Variants in CACNA2D3 observed in about 807,000 individuals in gnomAD.
CACNA2D3 encodes voltage-dependent calcium channel subunit alpha-2/delta-3.
CACNA2D3 carries 60 observed loss-of-function variants against 160.6 expected under a neutral mutation model. That is an observed-to-expected ratio of 0.37 (90% confidence interval 0.30 to 0.46). The LOEUF (loss-of-function observed/expected upper bound fraction) is 0.46, where lower values mean the gene tolerates loss of function less well. Ranked by LOEUF, CACNA2D3 falls within the 20% of genes least tolerant of loss-of-function variation. The probability of loss-of-function intolerance (pLI) is 1.00; values close to 1 mark genes in which losing one functional copy is unlikely to be tolerated. For missense variants in CACNA2D3, 1,205 were observed against 1,365.0 expected, an observed-to-expected ratio of 0.88 and a Z score of 1.85; for synonymous variants, 558 against 492.9, an observed-to-expected ratio of 1.13 and a Z score of -1.75.
intron 11 of CACNA2D3, among the ~76,000 whole-genome samples, chr3:54,687,141 T>TTTTG (rs1559549454): frequency 1.1e-4 from 8 of 72,318 alleles, no homozygotes; most frequent in East Asian, 4.5e-4. Flanking sequence ...TTTTGTTTTT[T>TTTTG]TTTTTTTTTG....
In CACNA2D3 at chr3:54,123,598, A is replaced by G. The variant is rs1022594645; in HGVS notation, c.204+4A>G. ...CGGTTCCCAGCTTCTGCAAAAGGTA[A>G]GGTTTCTGTGGTGGCAGGAAGCGAT... On this transcript the variant is annotated splice_donor_region_variant and intron_variant, in intron 2 of 37. Coordinates refer to ENST00000474759, the MANE Select transcript of CACNA2D3 (RefSeq NM_018398.3). The G allele has an allele frequency of 1.9e-6, 3 of 1,612,178 alleles. No individual in the cohort carries two copies. The African/African-American group carries it at 4.0e-5, about 22-fold the overall frequency.
At chr3:54,563,670 A>G (rs193278891) in intron 6 of CACNA2D3, among the ~76,000 whole-genome samples, 33 of 152,334 alleles carry the variant, frequency 2.2e-4, no homozygotes, top group African/African-American at 5.8e-4. Flanking sequence ...AACTGTGCCA[A>G]CATCACAGCT....
Position 54,146,670 on chromosome 3 carries a change from A to G in CACNA2D3, c.204+23076A>G, listed in dbSNP as rs1700035277. ...TCCACACATCCAGCAGGGCCCATGG[A>G]AGCTACAAGGGAGTGTGGTCTTTCT... On this transcript the variant is annotated intron_variant, in intron 2 of 37. Coordinates refer to ENST00000474759, the MANE Select transcript of CACNA2D3 (RefSeq NM_018398.3). 2.6e-5 allele frequency among the ~76,000 whole-genome samples: 4 copies of G among 152,202 alleles called. No homozygotes were observed. The South Asian group carries it at 8.3e-4, about 32-fold the overall frequency.
chr3:54,199,038 G>A (rs921279028), intron 2 of CACNA2D3, among the ~76,000 whole-genome samples: 3 of 151,782 alleles, frequency 2.0e-5, no homozygotes, highest in Admixed American at 1.3e-4. Flanking sequence ...CTTATTTCTG[G>A]CCTTCACTTC....
At position 54,896,742 on chromosome 3, in the gene CACNA2D3, C is replaced by T. The variant is rs369798492; in HGVS notation, c.2247-7C>T. On this transcript the variant is annotated splice_region_variant and splice_polypyrimidine_tract_variant and intron_variant, in intron 25 of 37. Coordinates refer to ENST00000474759, the MANE Select transcript of CACNA2D3 (RefSeq NM_018398.3). Reference sequence around the variant, plus strand: ...TGCATGTTCTTCTGATTCTTTTCCACTTCAAGGGACTTCCTGAAAGCTGGC... The same window carrying T: ...TGCATGTTCTTCTGATTCTTTTCCATTTCAAGGGACTTCCTGAAAGCTGGC... The T allele has an allele frequency of 1.2e-6, 2 of 1,613,858 alleles. No individual in the cohort carries two copies. Among genetic ancestry groups the T allele is most frequent in the African/African-American group, 2.7e-5 (2 of 74,932 alleles).
rs148101214 is a variant in CACNA2D3, at chr3:54,169,886, G to T, written c.204+46292G>T. On this transcript the variant is annotated intron_variant, in intron 2 of 37. Coordinates refer to ENST00000474759, the MANE Select transcript of CACNA2D3 (RefSeq NM_018398.3). ...ATCTGAATGATAATGATTTTTCCAG[G>T]TCAAGAGTGAGGGAGAAATGGCCGA... Among the ~76,000 whole-genome samples the T allele has an allele frequency of 3.7e-3, 565 of 152,190 alleles. 8 individuals are homozygous for T. The highest frequency in any genetic ancestry group is 2.8e-3 in the Non-Finnish European group (191 of 68,006).
At chr3:54,166,097 G>C (rs1296646998) in intron 2 of CACNA2D3, among the ~76,000 whole-genome samples, 1 of 152,312 alleles carries the variant, frequency 6.6e-6, no homozygotes, top group African/African-American at 2.4e-5. Flanking sequence ...CACGAGGTGG[G>C]TGGAGGCTTT....
chr3:54,513,894 A>G (rs1367684576), intron 5 of CACNA2D3, among the ~76,000 whole-genome samples: 1 of 152,092 alleles, frequency 6.6e-6, no homozygotes, highest in African/African-American at 2.4e-5. Context: ...GCTGGCCTCG[A>G]ACTCCTGACC....
chr3:54,381,630 G>A (rs922864324), intron 3 of CACNA2D3, among the ~76,000 whole-genome samples: 13 of 152,178 alleles, frequency 8.5e-5, no homozygotes, highest in African/African-American at 2.4e-4. Context: ...TAAGTGTCGC[G>A]GGGAGGAAAC....
chr3:54,763,820 TATAC>T lies in CACNA2D3; in HGVS notation c.1247-397_1247-394del, dbSNP rs1251934020. On this transcript the variant is annotated intron_variant, in intron 12 of 37. Transcript: ENST00000474759. ...ATATGTACATATATATACATATATA[TATAC>T]GTATATATATGTATATATATGTACA... 1.9e-3 allele frequency among the ~76,000 whole-genome samples: 199 copies of T among 103,490 alleles called. 54 individuals are homozygous for T. The highest frequency in any genetic ancestry group is 3.7e-3 in the Non-Finnish European group (186 of 49,912). The allele number at this position is 103,490 out of a possible 152,430, so 67.9% of individuals were successfully genotyped here. A position where few individuals can be genotyped will look rare whatever the true frequency, so the allele number is the denominator to read the frequency against.
intron 13 of CACNA2D3, among the ~76,000 whole-genome samples, chr3:54,807,751 C>T (rs1260341342): frequency 6.6e-6 from 1 of 151,988 alleles, no homozygotes; most frequent in Non-Finnish European, 1.5e-5. Flanking sequence ...AAGACACATG[C>T]ACACATATGT....
chr3:54,584,877 TACTG>T (rs1702733875), intron 9 of CACNA2D3, among the ~76,000 whole-genome samples: 1 of 152,168 alleles, frequency 6.6e-6, no homozygotes, highest in Non-Finnish European at 1.5e-5. Context: ...ATTTTTCAAA[TACTG>T]AAAGAAAAGA....
chr3:54,700,392 C>G (rs1271664956), intron 11 of CACNA2D3, among the ~76,000 whole-genome samples: 1 of 152,182 alleles, frequency 6.6e-6, no homozygotes, highest in Non-Finnish European at 1.5e-5. Context: ...ACTTAAAATT[C>G]ACATTTAATT....
intron 11 of CACNA2D3, among the ~76,000 whole-genome samples, chr3:54,670,685 T>C (rs1269922335): frequency 6.6e-6 from 1 of 152,234 alleles, no homozygotes; most frequent in Non-Finnish European, 1.5e-5. Context: ...TGTTCTTTCT[T>C]CCTGTGATAG....
chr3:54,712,238 A>T (rs1700965537), intron 11 of CACNA2D3, among the ~76,000 whole-genome samples: 1 of 152,198 alleles, frequency 6.6e-6, no homozygotes, highest in Admixed American at 6.5e-5. Context: ...AAACAACTCC[A>T]TTTACTATCT....
intron 25 of CACNA2D3, among the ~76,000 whole-genome samples, chr3:54,894,017 A>G (rs1422947310): frequency 6.6e-6 from 1 of 152,090 alleles, no homozygotes; most frequent in Admixed American, 6.6e-5. Flanking sequence ...ATTCTGATAC[A>G]ACCCTGGTAA....
intron 2 of CACNA2D3, 150 bp downstream of exon 2, chr3:54,123,744 T>C: frequency 1.5e-6 from 1 of 672,752 alleles, no homozygotes. Context: ...TACTATGCAG[T>C]GACTTCTTCC....
chr3:54,358,429 T>G (rs1417443170), intron 3 of CACNA2D3, among the ~76,000 whole-genome samples: 1 of 152,238 alleles, frequency 6.6e-6, no homozygotes. Context: ...ATTTTGGCAT[T>G]AACATTCAGC....
chr3:54,499,046 C>A (rs1001297837), intron 4 of CACNA2D3, among the ~76,000 whole-genome samples: 1 of 151,940 alleles, frequency 6.6e-6, no homozygotes, highest in African/African-American at 2.4e-5. Flanking sequence ...AGTATATGAT[C>A]TAGAAAAGAA....
Sources: allele counts gnomAD v4.1 joint callset (sites outside exome capture counted in the v4.1 genomes callset), GRCh38; gene constraint gnomAD v4.1.1; transcripts MANE v1.5; gene names NCBI Gene and HGNC (gene_info 2026-07-23, HGNC 2026-07-21).